Variants in TTC39B observed in about 807,000 individuals in gnomAD.
TTC39B encodes tetratricopeptide repeat domain 39B.
TTC39B carries 92 observed loss-of-function variants against 96.6 expected under a neutral mutation model. The observed-to-expected ratio is 0.95, with a 90% confidence interval of 0.80 to 1.13. The LOEUF (loss-of-function observed/expected upper bound fraction) is 1.13. Ranked by LOEUF, TTC39B falls within the 50% of genes most tolerant of loss-of-function variation. TTC39B has a pLI of 0.00. For missense variants in TTC39B, 955 were observed against 809.3 expected, an observed-to-expected ratio of 1.18 and a Z score of -2.18; for synonymous variants, 367 against 299.4, an observed-to-expected ratio of 1.23 and a Z score of -2.33.
intron 2 of TTC39B, among the ~76,000 whole-genome samples, chr9:15,243,300 C>T (rs569600874): frequency 6.6e-6 from 1 of 152,186 alleles, no homozygotes; most frequent in Non-Finnish European, 1.5e-5. Flanking sequence ...GAAATTTGAA[C>T]AGATGATGTA....
chr9:15,177,867 A>ATT, intron 17 of TTC39B, 53 bp from the exon 18 acceptor site: 1 of 951,108 alleles, frequency 1.1e-6, no homozygotes, highest in Non-Finnish European at 1.5e-6. Flanking sequence ...ACTTTTTAAG[A>ATT]TCTTTTTTTT....
intron 1 of TTC39B, among the ~76,000 whole-genome samples, chr9:15,294,098 A>G (rs1824286545): frequency 6.6e-6 from 1 of 152,204 alleles, no homozygotes; most frequent in Non-Finnish European, 1.5e-5. Flanking sequence ...TGTCATGCTA[A>G]GGTATTTGCA....
chr9:15,261,023 G>A (rs140040743), intron 2 of TTC39B, among the ~76,000 whole-genome samples: 96 of 152,304 alleles, frequency 6.3e-4, no homozygotes, highest in African/African-American at 2.3e-3. Context: ...TATTAAACCT[G>A]CATCTGTTCT....
chr9:15,305,147 G>A (rs951443930), intron 1 of TTC39B, among the ~76,000 whole-genome samples: 12 of 152,118 alleles, frequency 7.9e-5, no homozygotes, highest in Non-Finnish European at 1.0e-4. Flanking sequence ...GCCCATTTAC[G>A]GTAAGGGACT....
At chr9:15,250,745 A>C (rs968002801) in intron 2 of TTC39B, among the ~76,000 whole-genome samples, 8 of 152,240 alleles carry the variant, frequency 5.3e-5, no homozygotes, top group African/African-American at 1.9e-4. Context: ...CATAGTTCTA[A>C]AGTTCAGCTA....
chr9:15,218,701 C>T (rs556665068), intron 3 of TTC39B, among the ~76,000 whole-genome samples: 75 of 151,752 alleles, frequency 4.9e-4, no homozygotes, highest in African/African-American at 1.8e-3. Context: ...TTATCACTTA[C>T]ATTCCAATTC....
chr9:15,173,170 T>G (rs1392993504), intron 19 of TTC39B, among the ~76,000 whole-genome samples: 1 of 152,200 alleles, frequency 6.6e-6, no homozygotes, highest in African/African-American at 2.4e-5. Context: ...ATAATGAATA[T>G]TTGGAACAGC....
In TTC39B at chr9:15,189,507, C is replaced by T; in HGVS notation, c.1233+67G>A. On this transcript the variant is annotated intron_variant, in intron 13 of 19. Coordinates refer to ENST00000512701, the Ensembl canonical transcript of TTC39B. Reference sequence around the variant, plus strand: ...GTTTACTTTTGTTGAATAAGTAGGTCACAGCGACTCATGTAGGAGTCGCCA... The same window carrying T: ...GTTTACTTTTGTTGAATAAGTAGGTTACAGCGACTCATGTAGGAGTCGCCA... 4 of 1,526,528 alleles carry T rather than the reference C, an allele frequency of 2.6e-6. No homozygotes were observed. In the South Asian group the frequency reaches 4.6e-5, roughly 17 times the overall value. The allele number at this position is 1,526,528 out of a possible 1,614,324, so 94.6% of individuals were successfully genotyped here.
At chr9:15,277,792 G>T (rs1295869855) in intron 1 of TTC39B, among the ~76,000 whole-genome samples, 1 of 152,220 alleles carries the variant, frequency 6.6e-6, no homozygotes, top group East Asian at 1.9e-4. Context: ...AGGAAGGCTG[G>T]TGTTCCCTTC....
chr9:15,272,222 C>T (rs1347652411), intron 1 of TTC39B, among the ~76,000 whole-genome samples: 3 of 152,182 alleles, frequency 2.0e-5, no homozygotes, highest in African/African-American at 7.2e-5. Flanking sequence ...CAGTCTCCCA[C>T]CTGGCCCTCA....
At chr9:15,205,402 A>G (rs1314926375) in intron 6 of TTC39B, among the ~76,000 whole-genome samples, 1 of 152,120 alleles carries the variant, frequency 6.6e-6, no homozygotes, top group Non-Finnish European at 1.5e-5. Flanking sequence ...CCCCCACCCT[A>G]CACACACATA....
At chr9:15,260,558 G>T (rs542344871) in intron 2 of TTC39B, among the ~76,000 whole-genome samples, 17 of 151,822 alleles carry the variant, frequency 1.1e-4, no homozygotes, top group African/African-American at 2.2e-4. Flanking sequence ...ATCATTCACC[G>T]ATATTCACCC....
intron 14 of TTC39B, 88 bp from the exon 15 acceptor site, chr9:15,187,123 C>G (rs565540590): frequency 1.1e-5 from 10 of 941,090 alleles, no homozygotes; most frequent in Non-Finnish European, 1.4e-5. Context: ...ACAAGTCTTC[C>G]AGATATAAAA....
Position 15,187,849 on chromosome 9 carries a change from T to C in TTC39B, c.1395+122A>G, listed in dbSNP as rs1353759540. ...GTACTTAAGGCACATTTCCTCCTTT[T>C]GTGGATCTCTAAGTTGAGAAAACAC... On this transcript the variant is annotated intron_variant, in intron 14 of 19. Transcript: ENST00000512701. The C allele has an allele frequency of 2.9e-5, 30 of 1,046,676 alleles. 1 individual carries two copies. Among genetic ancestry groups the C allele is most frequent in the Non-Finnish European group, 3.8e-5 (29 of 755,992 alleles). The allele number at this position is 1,046,676 out of a possible 1,614,324, so 64.8% of individuals were successfully genotyped here. A position where few individuals can be genotyped will look rare whatever the true frequency, so the allele number is the denominator to read the frequency against.
At position 15,209,956 on chromosome 9, in the gene TTC39B, C is replaced by T; in HGVS notation, c.691+132G>A. ...AATGAACTATTAACAATGATTTCTT[C>T]CAGAGGGTGAGTATGATAGGGAAGA... On this transcript the variant is annotated intron_variant, in intron 6 of 19. Transcript: ENST00000512701. 7.5e-6 allele frequency: 5 copies of T among 665,746 alleles called. No individual in the cohort carries two copies. The South Asian group carries it at 9.1e-5, about 12-fold the overall frequency. 41.2% of individuals were successfully genotyped at this position (665,746 alleles called of 1,614,324 possible). A position where few individuals can be genotyped will look rare whatever the true frequency, so the allele number is the denominator to read the frequency against.
chr9:15,279,643 T>C (rs1356281449), intron 1 of TTC39B, among the ~76,000 whole-genome samples: 2 of 152,300 alleles, frequency 1.3e-5, no homozygotes, highest in East Asian at 3.9e-4. Flanking sequence ...ATCACTATTA[T>C]TGTTGTGCCT....
chr9:15,222,798 C>T (rs1364452293), intron 3 of TTC39B, among the ~76,000 whole-genome samples: 1 of 152,166 alleles, frequency 6.6e-6, no homozygotes, highest in Non-Finnish European at 1.5e-5. Context: ...GTTTTGATGA[C>T]TTTCTCAAGT....
At chr9:15,214,099 T>G (rs755185190) in intron 4 of TTC39B, 40 bp downstream of exon 4, 23 of 1,444,286 alleles carry the variant, frequency 1.6e-5, no homozygotes, top group Admixed American at 1.4e-4. Flanking sequence ...ATCAGAAACA[T>G]CTGAAAGATA....
chr9:15,166,982 TTATATATATATATATATATATATA>T (rs1174714919), exon 20 of TTC39B: 2 of 20,276 alleles, frequency 9.9e-5, no homozygotes, highest in African/African-American at 3.7e-4. Flanking sequence ...AACCTTTATT[TTATATATATATATATATATATATA>T]TATATATATA....
Sources: allele counts gnomAD v4.1 joint callset (sites outside exome capture counted in the v4.1 genomes callset), GRCh38; gene constraint gnomAD v4.1.1; transcripts MANE v1.5; gene names NCBI Gene and HGNC (gene_info 2026-07-23, HGNC 2026-07-21).